AUTS2: variants seen among roughly 807,000 people sequenced by gnomAD.
The protein encoded by AUTS2 is autism susceptibility gene 2 protein.
Under a neutral mutation model 112.4 loss-of-function variants are expected in AUTS2, and 17 were observed. The ratio of observed to expected loss-of-function variants is 0.15; its 90% CI spans 0.10 to 0.23. The LOEUF is 0.23. Ranked by LOEUF, AUTS2 falls within the 10% of genes least tolerant of loss-of-function variation. AUTS2 has a pLI of 1.00. For synonymous variants in AUTS2, 751 were observed against 702.7 expected (o/e 1.07, Z -1.09); for missense variants, 1,510 against 1,701.6 (o/e 0.89, Z 1.98).
At chr7:69,988,926 G>A (rs1234159385) in intron 2 of AUTS2, among the ~76,000 whole-genome samples, 1 of 152,146 alleles carries the variant, frequency 6.6e-6, no homozygotes, top group East Asian at 1.9e-4. Flanking sequence ...GAGGACGGGT[G>A]GAGTGCTACT....
At chr7:70,740,677 A>C in intron 6 of AUTS2, among the ~76,000 whole-genome samples, 1 of 152,030 alleles carries the variant, frequency 6.6e-6, no homozygotes, top group East Asian at 1.9e-4. Flanking sequence ...TATCGTACTT[A>C]TTTGAATATA....
intron 2 of AUTS2, among the ~76,000 whole-genome samples, chr7:69,998,181 T>A (rs1799031500): frequency 6.6e-6 from 1 of 152,158 alleles, no homozygotes; most frequent in African/African-American, 2.4e-5. Flanking sequence ...GAAATGGTGA[T>A]GATGTGGGGC....
intron 6 of AUTS2, among the ~76,000 whole-genome samples, chr7:70,726,360 C>T (rs773496933): frequency 1.5e-4 from 22 of 149,670 alleles, no homozygotes; most frequent in Non-Finnish European, 3.0e-4. Flanking sequence ...AAAAAATTAC[C>T]TCATTGACTC....
chr7:70,703,596 A>G (rs975549212), intron 6 of AUTS2, among the ~76,000 whole-genome samples: 3 of 151,994 alleles, frequency 2.0e-5, no homozygotes, highest in African/African-American at 7.2e-5. Context: ...TTTGGTTTAC[A>G]GTTTAAAATC....
intron 5 of AUTS2, among the ~76,000 whole-genome samples, chr7:70,564,788 G>A (rs751481067): frequency 6.6e-5 from 10 of 151,930 alleles, no homozygotes; most frequent in African/African-American, 2.2e-4. Flanking sequence ...TTTTTAGTAC[G>A]AGGATAATTT....
At chr7:69,602,445 G>GA (rs1792488522) in intron 1 of AUTS2, among the ~76,000 whole-genome samples, 1 of 152,070 alleles carries the variant, frequency 6.6e-6, no homozygotes. Flanking sequence ...AAATTCTGTA[G>GA]AAAAAATTAA....
At chr7:70,372,266 A>G (rs1318682425) in intron 4 of AUTS2, among the ~76,000 whole-genome samples, 1 of 152,206 alleles carries the variant, frequency 6.6e-6, no homozygotes, top group Non-Finnish European at 1.5e-5. Context: ...GTTTCATTGT[A>G]GATTGAGATT....
chr7:69,895,535 T>C (rs1302347720), intron 1 of AUTS2, among the ~76,000 whole-genome samples: 2 of 144,746 alleles, frequency 1.4e-5, no homozygotes, highest in African/African-American at 2.6e-5. Context: ...ATCCTCTCTC[T>C]CTCTTCTTCC....
intron 3 of AUTS2, among the ~76,000 whole-genome samples, chr7:70,132,224 A>T (rs1477312742): frequency 6.6e-6 from 1 of 150,770 alleles, no homozygotes. Context: ...ATGGCTCCTG[A>T]TACGAGACTC....
chr7:70,573,824 T>C (rs1171173069), intron 5 of AUTS2, among the ~76,000 whole-genome samples: 2 of 152,126 alleles, frequency 1.3e-5, no homozygotes, highest in Non-Finnish European at 2.9e-5. Context: ...GGAACTTAGT[T>C]GAAAAATGCT....
At chr7:70,336,750 C>T (rs1323214010) in intron 4 of AUTS2, among the ~76,000 whole-genome samples, 2 of 151,908 alleles carry the variant, frequency 1.3e-5, no homozygotes, top group Non-Finnish European at 2.9e-5. Context: ...TTTGCAGGGA[C>T]GCTTGGGTTT....
intron 4 of AUTS2, among the ~76,000 whole-genome samples, chr7:70,285,524 A>G (rs755782010): frequency 6.6e-5 from 10 of 152,168 alleles, no homozygotes; most frequent in Non-Finnish European, 1.0e-4. Flanking sequence ...TTGTTGAGAC[A>G]ATTTATTTTA....
intron 4 of AUTS2, among the ~76,000 whole-genome samples, chr7:70,170,488 C>T (rs1341348856): frequency 6.6e-6 from 1 of 151,810 alleles, no homozygotes; most frequent in Non-Finnish European, 1.5e-5. Context: ...ATATTATTTC[C>T]ATTTCTATTT....
intron 1 of AUTS2, among the ~76,000 whole-genome samples, chr7:69,712,099 C>T (rs1331723751): frequency 2.0e-5 from 3 of 152,158 alleles, no homozygotes; most frequent in African/African-American, 4.8e-5. Flanking sequence ...TCATCCTTCC[C>T]TCATCATGGC....
chr7:70,581,094 A>T (rs1190298935), intron 5 of AUTS2, among the ~76,000 whole-genome samples: 12 of 152,138 alleles, frequency 7.9e-5, no homozygotes, highest in African/African-American at 1.7e-4. Context: ...AAAAAATTTT[A>T]AAATAAGGCC....
intron 1 of AUTS2, among the ~76,000 whole-genome samples, chr7:69,835,305 T>C (rs1025539412): frequency 1.3e-5 from 2 of 152,068 alleles, no homozygotes; most frequent in African/African-American, 4.8e-5. Context: ...ACATAAGAGA[T>C]ACAGATAGAG....
At chr7:69,606,570 T>G (rs1792729422) in intron 1 of AUTS2, among the ~76,000 whole-genome samples, 1 of 152,246 alleles carries the variant, frequency 6.6e-6, no homozygotes, top group South Asian at 2.1e-4. Flanking sequence ...TGCTGTTTTT[T>G]TCCTCCTCAA....
chr7:70,566,494 C>T (rs560577991), intron 5 of AUTS2, among the ~76,000 whole-genome samples: 3 of 152,132 alleles, frequency 2.0e-5, no homozygotes, highest in African/African-American at 7.2e-5. Context: ...AATGGATCGG[C>T]CTTAGGAAAA....
At chr7:69,617,492 A>C (rs1009379790) in intron 1 of AUTS2, among the ~76,000 whole-genome samples, 3 of 152,192 alleles carry the variant, frequency 2.0e-5, no homozygotes, top group Non-Finnish European at 4.4e-5. Context: ...GTATGTGAGC[A>C]ACACAGGAGA....
Sources: allele counts gnomAD v4.1 joint callset (sites outside exome capture counted in the v4.1 genomes callset), GRCh38; gene constraint gnomAD v4.1.1; transcripts MANE v1.5; gene names NCBI Gene and HGNC (gene_info 2026-07-23, HGNC 2026-07-21).